Variants in UTRN observed in about 807,000 individuals in gnomAD.
The protein encoded by UTRN is dystrophin-related protein 1.
UTRN carries 283 observed loss-of-function variants against 463.9 expected under a neutral mutation model. The observed-to-expected ratio is 0.61, with a 90% CI of 0.55 to 0.67. UTRN has a LOEUF of 0.67. Among genes scored for constraint, UTRN ranks in the 30% least tolerant of loss-of-function variants. The pLI, the probability that UTRN is intolerant of heterozygous loss-of-function variation, is 0.00. For missense variants in UTRN, 3,922 were observed against 4,084.3 expected, an observed-to-expected ratio of 0.96 and a Z score of 1.08; for synonymous variants, 1,442 against 1,431.5, an observed-to-expected ratio of 1.01 and a Z score of -0.17.
intron 58 of UTRN, among the ~76,000 whole-genome samples, chr6:144,760,161 A>G (rs1247523770): frequency 6.6e-6 from 1 of 152,152 alleles, no homozygotes; most frequent in Non-Finnish European, 1.5e-5. Context: ...TGTCTAAATC[A>G]GAATTTCTCT....
chr6:144,476,404 A>G (rs1442080599), intron 25 of UTRN, among the ~76,000 whole-genome samples: 1 of 152,042 alleles, frequency 6.6e-6, no homozygotes, highest in Non-Finnish European at 1.5e-5. Flanking sequence ...CATGAGAAAT[A>G]TTAGGTTTGA....
rs4895657 is a variant in UTRN, at chr6:144,840,865, A to G, written c.10270+33A>G. ...TGAAAGATTGCAGCACCACAGCTGCACGTGTTCCTTCCCTTTCTCTTTTTC... is the reference window on the plus strand; with the variant it reads ...TGAAAGATTGCAGCACCACAGCTGCGCGTGTTCCTTCCCTTTCTCTTTTTC... On this transcript the variant is annotated intron_variant, in intron 73 of 74. Coordinates refer to ENST00000367545, the MANE Select transcript of UTRN (RefSeq NM_007124.3). The G allele has an allele frequency of 0.44, 709,739 of 1,610,230 alleles. 178,699 individuals are homozygous for G. The highest frequency in any genetic ancestry group is 0.97 in the East Asian group (43,555 of 44,774).
At chr6:144,340,133 C>T (rs527405137) in intron 2 of UTRN, among the ~76,000 whole-genome samples, 4 of 152,280 alleles carry the variant, frequency 2.6e-5, no homozygotes, top group African/African-American at 9.6e-5. Context: ...CACCACTGCA[C>T]TCCAGCCTGG....
intron 53 of UTRN, among the ~76,000 whole-genome samples, chr6:144,728,410 C>T (rs1276324212): frequency 1.3e-5 from 2 of 149,606 alleles, no homozygotes. Flanking sequence ...CTTTTTTTTT[C>T]CATTTTTCTT....
chr6:144,844,949 A>G (rs758232738), intron 73 of UTRN, among the ~76,000 whole-genome samples: 3 of 152,224 alleles, frequency 2.0e-5, no homozygotes, highest in Non-Finnish European at 4.4e-5. Context: ...ACTCTTGGCA[A>G]TCTTGGAATT....
rs116699477 is a variant in UTRN, at chr6:144,523,181, C to A, written c.5899C>A (p.Arg1967=). The stretch of plus-strand genomic sequence containing the variant: ...CAGAATTAATAGAATGTACAGTGAT[C>A]GGAAAGGGTATGTGTAAATGAAATT... ...WDRINRMYSD[R]KGCFDRAMEE... is the part of the protein sequence containing the mutation. Residue 1967 remains arginine (R), a synonymous_variant, in exon 41 of 75, where the codon CGG becomes AGG. Coordinates refer to ENST00000367545, the MANE Select transcript of UTRN (RefSeq NM_007124.3). 3 of 1,585,168 alleles carry A rather than the reference C, an allele frequency of 1.9e-6. No individual in the cohort carries two copies. Among genetic ancestry groups the A allele is most frequent in the Non-Finnish European group, 1.7e-6 (2 of 1,167,622 alleles).
At chr6:144,607,171 C>T (rs1804942762) in intron 51 of UTRN, among the ~76,000 whole-genome samples, 1 of 152,162 alleles carries the variant, frequency 6.6e-6, no homozygotes, top group Non-Finnish European at 1.5e-5. Flanking sequence ...AATTATGTTT[C>T]TGCAAATATT....
intron 65 of UTRN, among the ~76,000 whole-genome samples, chr6:144,810,078 A>G (rs1424170392): frequency 4.6e-5 from 7 of 152,148 alleles, no homozygotes; most frequent in Non-Finnish European, 7.4e-5. Context: ...CTAATGAACT[A>G]GGCGAACTTA....
intron 51 of UTRN, among the ~76,000 whole-genome samples, chr6:144,587,489 G>T (rs1224030595): frequency 6.6e-6 from 1 of 152,128 alleles, no homozygotes; most frequent in African/African-American, 2.4e-5. Flanking sequence ...TAATCTCTCA[G>T]CAGGTTTTTA....
At chr6:144,473,123 C>T (rs1018049085) in intron 23 of UTRN, among the ~76,000 whole-genome samples, 2 of 152,134 alleles carry the variant, frequency 1.3e-5, no homozygotes, top group Non-Finnish European at 2.9e-5. Flanking sequence ...AAGTCTCTTT[C>T]TCTTTGCAAA....
intron 50 of UTRN, among the ~76,000 whole-genome samples, chr6:144,567,903 A>G (rs1353249853): frequency 6.6e-6 from 1 of 152,184 alleles, no homozygotes; most frequent in African/African-American, 2.4e-5. Context: ...TTATAAGTAA[A>G]TGCACAATTG....
chr6:144,403,933 G>C (rs1783153092), intron 3 of UTRN, among the ~76,000 whole-genome samples: 1 of 152,316 alleles, frequency 6.6e-6, no homozygotes, highest in East Asian at 1.9e-4. Context: ...AAGTTTCTCA[G>C]AGAAACACTG....
At chr6:144,615,056 G>T (rs573196065) in intron 51 of UTRN, among the ~76,000 whole-genome samples, 1 of 152,156 alleles carries the variant, frequency 6.6e-6, no homozygotes, top group Non-Finnish European at 1.5e-5. Context: ...ATACAGAAAA[G>T]ATGCTAAATT....
At chr6:144,815,364 T>C (rs143795017) in intron 65 of UTRN, among the ~76,000 whole-genome samples, 1 of 152,174 alleles carries the variant, frequency 6.6e-6, no homozygotes, top group Non-Finnish European at 1.5e-5. Flanking sequence ...TCAGAACTAA[T>C]AGGATAGATG....
At chr6:144,776,278 C>T (rs1481873955) in intron 60 of UTRN, among the ~76,000 whole-genome samples, 1 of 152,116 alleles carries the variant, frequency 6.6e-6, no homozygotes, top group African/African-American at 2.4e-5. Flanking sequence ...CACATTTTTT[C>T]CCAGTAGTTT....
chr6:144,466,025 T>C (rs1433244883), intron 23 of UTRN, among the ~76,000 whole-genome samples: 2 of 152,192 alleles, frequency 1.3e-5, no homozygotes, highest in Admixed American at 1.3e-4. Flanking sequence ...CCCAATACCA[T>C]TTTCTTTCCT....
rs1272853595 is a variant in UTRN at position 144,827,360 on chromosome 6, C to G, written c.9507C>G (p.Leu3169=). ...CCCCTCTTTGCAGTCCTATCACACT[C>G]ATCAGTATGTGGCCAGAGCACTATG... ...EGDNLETPIT[L]ISMWPEHYDP... is the part of the protein sequence containing the mutation. The change falls in exon 67 of 75, where the codon CTC becomes CTG. Residue 3169 remains leucine (L), a synonymous_variant. Transcript: ENST00000367545. 1.9e-6 allele frequency: 3 copies of G among 1,613,458 alleles called. No individual in the cohort carries two copies. Among genetic ancestry groups the G allele is most frequent in the Middle Eastern group, 1.7e-4 (1 of 6,058 alleles).
intron 51 of UTRN, among the ~76,000 whole-genome samples, chr6:144,630,879 AC>A (rs1328530315): frequency 2.0e-5 from 3 of 151,386 alleles, no homozygotes; most frequent in Non-Finnish European, 4.4e-5. Flanking sequence ...CACAATAACC[AC>A]CCCAAGAAGA....
intron 31 of UTRN, 29 bp downstream of exon 31, chr6:144,490,228 T>G: frequency 1.3e-6 from 2 of 1,572,258 alleles, no homozygotes; most frequent in East Asian, 2.2e-5. Context: ...TTCCTTTTAC[T>G]TTTCAACTTG....
Sources: gnomAD v4.1 joint callset for allele counts (sites outside exome capture counted in the v4.1 genomes callset) on GRCh38, gnomAD v4.1.1 for gene constraint, MANE v1.5 for transcripts, NCBI Gene and HGNC (gene_info 2026-07-23, HGNC 2026-07-21) for gene names.